The following PREX1 variants were observed in gnomAD, a reference collection of about 807,000 sequenced individuals.
PREX1 encodes phosphatidylinositol 3,4,5-trisphosphate-dependent Rac exchanger 1 protein.
Under a neutral mutation model 198.3 loss-of-function variants are expected in PREX1, and 41 were observed. That is an observed-to-expected ratio of 0.21 (90% confidence interval 0.16 to 0.27). The LOEUF is 0.27. Ranked by LOEUF, PREX1 falls within the 10% of genes least tolerant of loss-of-function variation. PREX1 has a pLI of 1.00. For synonymous variants in PREX1, 843 were observed against 887.2 expected (o/e 0.95, Z 0.89); for missense variants, 1,620 against 2,200.7 (o/e 0.74, Z 5.28).
chr20:48,673,224 C>T (rs1432607288), intron 14 of PREX1, among the ~76,000 whole-genome samples: 1 of 152,186 alleles, frequency 6.6e-6, no homozygotes, highest in Non-Finnish European at 1.5e-5. Flanking sequence ...CTTGCGTGCC[C>T]AAGGAGAAAG....
the PREX1 span, among the ~76,000 whole-genome samples, chr20:48,880,980 C>CAAAAAAAAAAAAA: frequency 4.2e-5 from 1 of 24,024 alleles, no homozygotes; most frequent in African/African-American, 2.3e-4. Context: ...CAAACCATTG[C>CAAAAAAAAAAAAA]TAAAAAAAAA....
intron 37 of PREX1, among the ~76,000 whole-genome samples, chr20:48,628,754 C>A (rs2089291710): frequency 6.6e-6 from 1 of 152,220 alleles, no homozygotes; most frequent in African/African-American, 2.4e-5. Flanking sequence ...CATGGAACGT[C>A]AATGACCTAG....
intron 15 of PREX1, among the ~76,000 whole-genome samples, chr20:48,665,346 C>A (rs1436646362): frequency 6.6e-6 from 1 of 151,512 alleles, no homozygotes; most frequent in Non-Finnish European, 1.5e-5. Context: ...CTAATCCCGA[C>A]TCCAGACGGC....
At chr20:48,740,879 G>A (rs2090078486) in intron 3 of PREX1, among the ~76,000 whole-genome samples, 2 of 152,138 alleles carry the variant, frequency 1.3e-5, no homozygotes, top group African/African-American at 2.4e-5. Context: ...GATAGAATGC[G>A]GTAATACCGT....
rs1256864071 is a variant in PREX1, at chr20:48,792,853, C to CACACACACACACACAT, written c.219+34788_219+34789insATGTGTGTGTGTGTGT. 1.7e-3 allele frequency among the ~76,000 whole-genome samples: 250 copies of CACACACACACACACAT among 145,336 alleles called. 2 individuals are homozygous for CACACACACACACACAT. Among genetic ancestry groups the CACACACACACACACAT allele is most frequent in the African/African-American group, 5.1e-3 (196 of 38,078 alleles). ...ACACACACACACACACACACACACA[C>CACACACACACACACAT]ATAGTATGATTCCATTTATATCCAT... is the stretch of plus-strand genomic sequence containing the variant. On this transcript the variant is annotated intron_variant, in intron 1 of 39. Transcript: ENST00000371941.
chr20:48,744,231 A>G (rs1053189102), intron 3 of PREX1, among the ~76,000 whole-genome samples: 1 of 152,044 alleles, frequency 6.6e-6, no homozygotes, highest in African/African-American at 2.4e-5. Context: ...GACATTGCCC[A>G]TTGTCCCCTG....
the PREX1 span, among the ~76,000 whole-genome samples, chr20:48,883,772 G>A: frequency 6.6e-6 from 1 of 152,006 alleles, no homozygotes; most frequent in Non-Finnish European, 1.5e-5. Flanking sequence ...CATTTTCATG[G>A]ACTGATAGAC....
At chr20:48,680,744 A>G (rs1202724523) in intron 11 of PREX1, among the ~76,000 whole-genome samples, 37 of 150,090 alleles carry the variant, frequency 2.5e-4, no homozygotes. Flanking sequence ...CATCTCCCCT[A>G]TTCAAAAGTG....
At chr20:48,759,437 C>G (rs984494252) in intron 1 of PREX1, among the ~76,000 whole-genome samples, 9 of 150,766 alleles carry the variant, frequency 6.0e-5, no homozygotes, top group African/African-American at 2.2e-4. Flanking sequence ...GTAATCCCAG[C>G]TACTTGCGAG....
intron 1 of PREX1, among the ~76,000 whole-genome samples, chr20:48,750,805 T>C (rs970152771): frequency 1.3e-5 from 2 of 152,180 alleles, no homozygotes; most frequent in Non-Finnish European, 2.9e-5. Flanking sequence ...GCAGGGATCA[T>C]GGCTGGGATG....
rs187951592 is a variant in PREX1, at chr20:48,637,364, C to T, written c.3946+347G>A. Among the ~76,000 whole-genome samples the T allele has an allele frequency of 1.7e-3, 253 of 152,340 alleles. 1 individual carries two copies. The highest frequency in any genetic ancestry group is 5.1e-3 in the African/African-American group (213 of 41,574). On this transcript the variant is annotated intron_variant, in intron 31 of 39. Coordinates refer to ENST00000371941, the MANE Select transcript of PREX1 (RefSeq NM_020820.4). The stretch of plus-strand genomic sequence containing the variant: ...ATAGAGAAGGTCTCCAAGATTCTCC[C>T]GCTACCTCCTCCCCCTTCCTCTTCC...
At chr20:48,774,335 G>A (rs1368732901) in intron 1 of PREX1, among the ~76,000 whole-genome samples, 2 of 152,198 alleles carry the variant, frequency 1.3e-5, no homozygotes, top group African/African-American at 4.8e-5. Context: ...GAGGAGCTGG[G>A]GACACACGAG....
the PREX1 span, among the ~76,000 whole-genome samples, chr20:48,874,434 TGTC>T: frequency 1.4e-5 from 2 of 146,784 alleles, no homozygotes; most frequent in Non-Finnish European, 3.0e-5. Context: ...GGGTGGGTGG[TGTC>T]GTGTGATTTA....
chr20:48,698,481 GA>G, intron 7 of PREX1, among the ~76,000 whole-genome samples: 1 of 152,260 alleles, frequency 6.6e-6, no homozygotes, highest in Admixed American at 6.5e-5. Flanking sequence ...AACTACCCAA[GA>G]AGGACTCTGA....
intron 1 of PREX1, among the ~76,000 whole-genome samples, chr20:48,788,902 CT>C (rs1436576057): frequency 6.6e-6 from 1 of 152,150 alleles, no homozygotes; most frequent in Non-Finnish European, 1.5e-5. Flanking sequence ...CTCAGCCCCC[CT>C]GCCACGTGAT....
intron 6 of PREX1, among the ~76,000 whole-genome samples, chr20:48,701,216 T>G (rs969757777): frequency 2.0e-5 from 3 of 152,148 alleles, no homozygotes; most frequent in South Asian, 2.1e-4. Flanking sequence ...TTTTGGTTTT[T>G]GGGTTTATTT....
intron 15 of PREX1, among the ~76,000 whole-genome samples, chr20:48,665,427 GA>G (rs2089631738): frequency 7.0e-6 from 1 of 141,930 alleles, no homozygotes; most frequent in Admixed American, 7.1e-5. Flanking sequence ...TTCTAATCCT[GA>G]CTCCAGACGG....
intron 1 of PREX1, among the ~76,000 whole-genome samples, chr20:48,796,345 T>C (rs925455491): frequency 1.3e-5 from 2 of 151,312 alleles, no homozygotes; most frequent in Non-Finnish European, 2.9e-5. Context: ...CAGAATTCTA[T>C]ACAGCTATCA....
At chr20:48,885,105 G>A in the PREX1 span, among the ~76,000 whole-genome samples, 1 of 152,126 alleles carries the variant, frequency 6.6e-6, no homozygotes, top group Non-Finnish European at 1.5e-5. Flanking sequence ...CCACTTTTAG[G>A]GATGTTTGAG....
Sources: gnomAD v4.1 joint callset for allele counts (sites outside exome capture counted in the v4.1 genomes callset) on GRCh38, gnomAD v4.1.1 for gene constraint, MANE v1.5 for transcripts, NCBI Gene and HGNC (gene_info 2026-07-23, HGNC 2026-07-21) for gene names.